Variants in MAP3K1 observed in about 807,000 individuals in gnomAD.
The protein encoded by MAP3K1 is mitogen-activated protein kinase kinase kinase 1.
A neutral mutation model predicts 144.2 loss-of-function variants in MAP3K1; 36 were observed. That is an observed-to-expected ratio of 0.25 (90% CI 0.19 to 0.33). The LOEUF (loss-of-function observed/expected upper bound fraction) is 0.33. MAP3K1 is among the 10% of genes least tolerant of loss of function. MAP3K1 has a pLI of 1.00. For synonymous variants in MAP3K1, 718 were observed against 688.7 expected, an observed-to-expected ratio of 1.04 and a Z score of -0.67; for missense variants, 1,650 against 1,881.9, an observed-to-expected ratio of 0.88 and a Z score of 2.28.
Position 56,859,202 on chromosome 5 carries a change from A to ACACACC in MAP3K1, c.634-508_634-507insCCACAC, listed in dbSNP as rs1554033508. On this transcript the variant is annotated intron_variant, in intron 2 of 19. Transcript: ENST00000399503. The stretch of plus-strand genomic sequence containing the variant: ...TTGTAATATAACATTGTAAAGAAAC[A>ACACACC]CACACACAAAGCAGGGAAAATGATT... Among the ~76,000 whole-genome samples the ACACACC allele has an allele frequency of 2.6e-5, 4 of 151,882 alleles. No homozygotes were observed. In the East Asian group the frequency reaches 7.7e-4, roughly 29 times the overall value.
chr5:56,850,592 T>G (rs1172821981), intron 1 of MAP3K1, among the ~76,000 whole-genome samples: 1 of 152,178 alleles, frequency 6.6e-6, no homozygotes, highest in South Asian at 2.1e-4. Context: ...AAAAACAAAC[T>G]TAGACTGGGC....
chr5:56,877,929 C>T (rs1222700756), intron 10 of MAP3K1, among the ~76,000 whole-genome samples: 2 of 152,100 alleles, frequency 1.3e-5, no homozygotes, highest in South Asian at 4.1e-4. Context: ...TGTAGAATAT[C>T]CCTCAATTTG....
chr5:56,862,986 G>A (rs777325806), intron 3 of MAP3K1, among the ~76,000 whole-genome samples: 4 of 152,154 alleles, frequency 2.6e-5, no homozygotes, highest in Non-Finnish European at 4.4e-5. Context: ...AAGCAAAATA[G>A]GTAGTAGGTA....
At position 56,884,797 on chromosome 5, in the gene MAP3K1, A is replaced by G. The variant is rs372769692; in HGVS notation, c.3953A>G (p.Asn1318Ser). 5 of 1,613,758 alleles carry G rather than the reference A, an allele frequency of 3.1e-6. No homozygotes were observed. Among genetic ancestry groups the G allele is most frequent in the Admixed American group, 1.7e-5 (1 of 59,996 alleles). The change falls in exon 16 of 20, where the codon AAT (asparagine) becomes AGT (serine). Residue 1318 changes from asparagine (N) to serine (S), a missense_variant. Coordinates refer to ENST00000399503, the MANE Select transcript of MAP3K1 (RefSeq NM_005921.2). The part of the protein sequence containing the change: ...RMLGATCEKS[N>S]YNLFIEWMAG... The stretch of plus-strand genomic sequence containing the variant: ...TTGGGAGCCACGTGTGAGAAGAGCA[A>G]TTACAATCTCTTCATTGAATGGATG...
At chr5:56,858,390 C>G (rs1047826755) in intron 2 of MAP3K1, among the ~76,000 whole-genome samples, 3 of 152,146 alleles carry the variant, frequency 2.0e-5, no homozygotes, top group Non-Finnish European at 4.4e-5. Context: ...CTAGCAAGTA[C>G]CAAAGTACCT....
At chr5:56,816,983 G>A in intron 1 of MAP3K1, 1 of 746,546 alleles carries the variant, frequency 1.3e-6, no homozygotes, top group Non-Finnish European at 1.6e-6. Context: ...CTTGGCCCGG[G>A]GACTGCGGCG....
intron 10 of MAP3K1, among the ~76,000 whole-genome samples, chr5:56,875,882 A>T (rs1033422270): frequency 3.9e-5 from 6 of 152,182 alleles, no homozygotes; most frequent in South Asian, 2.1e-4. Context: ...CTGATTTTTT[A>T]AAAAATTTAT....
intron 1 of MAP3K1, among the ~76,000 whole-genome samples, chr5:56,845,430 C>CAGTG (rs1164329769): frequency 1.3e-5 from 2 of 152,024 alleles, no homozygotes; most frequent in African/African-American, 4.8e-5. Context: ...CATTCTGTAC[C>CAGTG]AGTGCCCCCA....
chr5:56,854,439 A>AAC (rs2111856564), intron 1 of MAP3K1, among the ~76,000 whole-genome samples: 1 of 151,266 alleles, frequency 6.6e-6, no homozygotes, highest in East Asian at 1.9e-4. Context: ...TCTCAAAAAA[A>AAC]AAAAAAAAAA....
intron 19 of MAP3K1, among the ~76,000 whole-genome samples, chr5:56,888,658 A>G (rs963910913): frequency 6.6e-6 from 1 of 152,216 alleles, no homozygotes; most frequent in Non-Finnish European, 1.5e-5. Flanking sequence ...CAGCCACACA[A>G]TCACGAGAGT....
In MAP3K1 at chr5:56,893,657, C is replaced by T; in HGVS notation, c.4516C>T (p.Pro1506Ser). 1 of 1,613,934 alleles carries T rather than the reference C, an allele frequency of 6.2e-7. No individual in the cohort carries two copies. Among genetic ancestry groups the T allele is most frequent in the Non-Finnish European group, 8.5e-7 (1 of 1,179,842 alleles). ...TCCATCAAGAGAGCTACTGAAGCAT[C>T]CAGTCTTTCGTACTACATGGTAGCC... ...RPPSRELLKH[P>S]VFRTTW is the part of the protein sequence containing the mutation. Residue 1506 changes from proline to serine, a missense_variant, in exon 20 of 20, where the codon CCA becomes TCA. Transcript: ENST00000399503.
chr5:56,886,202 G>A, intron 17 of MAP3K1, 139 bp downstream of exon 17: 1 of 667,970 alleles, frequency 1.5e-6, no homozygotes, highest in Non-Finnish European at 2.7e-6. Context: ...TCAGGAGCTC[G>A]AGACCAGCCA....
At chr5:56,823,247 T>A (rs1472602318) in intron 1 of MAP3K1, among the ~76,000 whole-genome samples, 1 of 152,202 alleles carries the variant, frequency 6.6e-6, no homozygotes, top group Non-Finnish European at 1.5e-5. Context: ...ACACTTGCCC[T>A]TGTTCCGTGG....
chr5:56,873,669 A>G (rs1284224364), intron 9 of MAP3K1, among the ~76,000 whole-genome samples: 1 of 152,214 alleles, frequency 6.6e-6, no homozygotes, highest in East Asian at 1.9e-4. Flanking sequence ...AGACAATAAT[A>G]AAGTAAAATA....
chr5:56,822,483 G>C (rs760514261), intron 1 of MAP3K1, among the ~76,000 whole-genome samples: 1 of 152,140 alleles, frequency 6.6e-6, no homozygotes, highest in Non-Finnish European at 1.5e-5. Flanking sequence ...TGAATTCCTG[G>C]TATTTGAAAG....
rs761217931 is a variant in MAP3K1 at position 56,864,762 on chromosome 5, G to A, written c.863G>A (p.Arg288Gln). 1.5e-5 allele frequency: 24 copies of A among 1,613,856 alleles called. No individual in the cohort carries two copies. The highest frequency in any genetic ancestry group is 4.5e-5 in the East Asian group (2 of 44,886). The change falls in exon 4 of 20, where the codon CGA becomes CAA. Residue 288 changes from arginine (R) to glutamine (Q), a missense_variant. Transcript: ENST00000399503. Reference protein sequence around the residue: ...PFQSGRITPPRRAPSPDGFSP... With the variant: ...PFQSGRITPPQRAPSPDGFSP... Reference sequence around the variant, plus strand: ...CAGAGTGGCAGAATCACACCACCCCGAAGAGCCCCTTCACCAGATGGCTTC... The same window carrying A: ...CAGAGTGGCAGAATCACACCACCCCAAAGAGCCCCTTCACCAGATGGCTTC...
chr5:56,853,927 G>A (rs569226901), intron 1 of MAP3K1, among the ~76,000 whole-genome samples: 1 of 152,258 alleles, frequency 6.6e-6, no homozygotes, highest in Non-Finnish European at 1.5e-5. Context: ...TTTTAATGGA[G>A]GAAGTAACCC....
At chr5:56,866,864 A>G (rs557552327) in intron 6 of MAP3K1, among the ~76,000 whole-genome samples, 7 of 152,268 alleles carry the variant, frequency 4.6e-5, no homozygotes, top group African/African-American at 1.7e-4. Context: ...AGAATCCTAG[A>G]GTTTTACGAG....
chr5:56,839,529 C>T (rs1739026636), intron 1 of MAP3K1, among the ~76,000 whole-genome samples: 1 of 152,056 alleles, frequency 6.6e-6, no homozygotes, highest in Non-Finnish European at 1.5e-5. Flanking sequence ...TTTTATTTTT[C>T]CAGTGTAAAG....
Sources: allele counts gnomAD v4.1 joint callset (sites outside exome capture counted in the v4.1 genomes callset), GRCh38; gene constraint gnomAD v4.1.1; transcripts MANE v1.5; gene names NCBI Gene and HGNC (gene_info 2026-07-23, HGNC 2026-07-21).